The following PAM variants were observed in gnomAD, a reference collection of about 807,000 sequenced individuals.
PAM encodes the protein peptidyl-glycine alpha-amidating monooxygenase.
In PAM, 72 loss-of-function variants were observed where a neutral mutation model predicts 122.1. That is an observed-to-expected ratio of 0.59 (90% CI 0.49 to 0.72). The LOEUF (loss-of-function observed/expected upper bound fraction) is 0.72, where lower values mean the gene tolerates loss of function less well. PAM is among the 30% of genes least tolerant of loss of function. The probability of loss-of-function intolerance (pLI) is 0.00; values close to 1 mark genes in which losing one functional copy is unlikely to be tolerated. For missense variants in PAM, 1,106 were observed against 1,183.7 expected, an observed-to-expected ratio of 0.93 and a Z score of 0.96; for synonymous variants, 389 against 404.4, an observed-to-expected ratio of 0.96 and a Z score of 0.46.
intron 16 of PAM, among the ~76,000 whole-genome samples, chr5:103,000,178 T>G (rs535390303): frequency 5.9e-5 from 9 of 152,202 alleles, no homozygotes; most frequent in Non-Finnish European, 1.3e-4. Flanking sequence ...TGCTTAGACA[T>G]TTCTTCCACC....
At chr5:103,015,550 T>C (rs995434408) in intron 21 of PAM, among the ~76,000 whole-genome samples, 1 of 152,138 alleles carries the variant, frequency 6.6e-6, no homozygotes, top group Non-Finnish European at 1.5e-5. Flanking sequence ...ACCACATAAT[T>C]TTGTTTCAAA....
chr5:102,801,464 TC>T (rs1368316728), intron 1 of PAM, among the ~76,000 whole-genome samples: 6 of 152,182 alleles, frequency 3.9e-5, no homozygotes, highest in African/African-American at 1.4e-4. Context: ...CCTGCCTTAA[TC>T]AGTTAAACAG....
chr5:102,972,372 C>T (rs1340963561), intron 14 of PAM, among the ~76,000 whole-genome samples: 2 of 152,134 alleles, frequency 1.3e-5, no homozygotes, highest in African/African-American at 2.4e-5. Context: ...GCCTTGAACT[C>T]CTGAGCTCAA....
intron 1 of PAM, among the ~76,000 whole-genome samples, chr5:102,848,604 G>T (rs912902330): frequency 1.4e-4 from 22 of 152,174 alleles, no homozygotes; most frequent in African/African-American, 4.6e-4. Flanking sequence ...ACTTTTTAGG[G>T]AGGTGTCTGG....
chr5:102,830,747 G>A (rs1775200321), intron 1 of PAM, among the ~76,000 whole-genome samples: 1 of 152,072 alleles, frequency 6.6e-6, no homozygotes, highest in Non-Finnish European at 1.5e-5. Flanking sequence ...TATTTCCCCT[G>A]GTATGCTGTC....
rs149880259 is a variant in PAM, at chr5:102,941,466, C to G, written c.527-5371C>G. 3.6e-3 allele frequency among the ~76,000 whole-genome samples: 550 copies of G among 152,336 alleles called. 4 individuals are homozygous for G. Among genetic ancestry groups the G allele is most frequent in the African/African-American group, 0.012 (519 of 41,584 alleles). On this transcript the variant is annotated intron_variant, in intron 7 of 25. Coordinates refer to ENST00000438793, the MANE Select transcript of PAM (RefSeq NM_001177306.2). The stretch of plus-strand genomic sequence containing the variant: ...CACTGAAGGTCATCTGCTAACCCAG[C>G]TTTCAGCAGCCTCCAGGAAAACCTC...
intron 1 of PAM, among the ~76,000 whole-genome samples, chr5:102,766,150 G>A: frequency 6.6e-6 from 1 of 152,154 alleles, no homozygotes; most frequent in Non-Finnish European, 1.5e-5. Context: ...CGGTTTCATG[G>A]AAGACAGTTT....
intron 24 of PAM, among the ~76,000 whole-genome samples, chr5:103,025,818 G>T (rs1367627433): frequency 1.3e-5 from 2 of 152,038 alleles, no homozygotes; most frequent in Non-Finnish European, 2.9e-5. Context: ...AAAAAGTGGG[G>T]ATAAAATAGT....
chr5:102,897,479 C>T (rs79095855), intron 3 of PAM, among the ~76,000 whole-genome samples: 2 of 151,626 alleles, frequency 1.3e-5, no homozygotes, highest in Non-Finnish European at 3.0e-5. Flanking sequence ...AAATTAATCT[C>T]TCCATCATCT....
intron 4 of PAM, among the ~76,000 whole-genome samples, chr5:102,912,965 A>AT (rs1389210910): frequency 1.3e-5 from 2 of 151,928 alleles, no homozygotes; most frequent in Admixed American, 6.6e-5. Context: ...GGTGTAGAAC[A>AT]TTTTTTTGTT....
At chr5:102,848,202 A>C (rs957484333) in intron 1 of PAM, among the ~76,000 whole-genome samples, 2 of 151,536 alleles carry the variant, frequency 1.3e-5, no homozygotes, top group African/African-American at 2.4e-5. Context: ...ATAGAACTTG[A>C]CTGTTCTTTA....
chr5:102,917,320 A>G (rs1015816732), intron 5 of PAM, among the ~76,000 whole-genome samples: 1 of 152,172 alleles, frequency 6.6e-6, no homozygotes, highest in Non-Finnish European at 1.5e-5. Flanking sequence ...TTTTTCTAAA[A>G]TTTTTTGAGT....
At chr5:102,996,775 T>C (rs752078712) in intron 16 of PAM, among the ~76,000 whole-genome samples, 3 of 152,230 alleles carry the variant, frequency 2.0e-5, no homozygotes, top group South Asian at 2.1e-4. Flanking sequence ...AGGCCTATTA[T>C]GTAGTGATTA....
chr5:103,028,097 C>G, intron 24 of PAM, 88 bp from the exon 25 acceptor site: 1 of 944,550 alleles, frequency 1.1e-6, no homozygotes, highest in Non-Finnish European at 1.7e-6. Context: ...TATCATTTAC[C>G]AGTTCCTATT....
chr5:102,941,141 TAGGTGTGCCATA>T (rs1230851013), intron 7 of PAM, among the ~76,000 whole-genome samples: 1 of 152,172 alleles, frequency 6.6e-6, no homozygotes, highest in Non-Finnish European at 1.5e-5. Context: ...GCTCTTACAT[TAGGTGTGCCATA>T]ACATCCTCCA....
chr5:102,806,468 A>T (rs951606074), intron 1 of PAM, among the ~76,000 whole-genome samples: 1 of 152,254 alleles, frequency 6.6e-6, no homozygotes, highest in East Asian at 1.9e-4. Flanking sequence ...CACTGCTAGA[A>T]GCAACACTTC....
intron 18 of PAM, among the ~76,000 whole-genome samples, chr5:103,005,833 C>T (rs1194658133): frequency 6.6e-6 from 1 of 152,214 alleles, no homozygotes; most frequent in Admixed American, 6.5e-5. Context: ...TGAAGCTTCA[C>T]TCAAATAACT....
intron 15 of PAM, among the ~76,000 whole-genome samples, chr5:102,986,744 G>A (rs62362541): frequency 0.26 from 38,971 of 152,020 alleles, 5,617 homozygotes; most frequent in East Asian, 0.43. Context: ...CCAGTGGGAC[G>A]TAATTGAATC....
intron 1 of PAM, among the ~76,000 whole-genome samples, chr5:102,858,596 CT>C (rs1290707194): frequency 4.6e-5 from 7 of 152,212 alleles, no homozygotes; most frequent in Non-Finnish European, 1.0e-4. Flanking sequence ...AAAACATTAC[CT>C]AACTTTCAGA....
Sources: gnomAD v4.1 joint callset for allele counts (sites outside exome capture counted in the v4.1 genomes callset) on GRCh38, gnomAD v4.1.1 for gene constraint, MANE v1.5 for transcripts, NCBI Gene and HGNC (gene_info 2026-07-23, HGNC 2026-07-21) for gene names.